Variants in DNAH12 observed in about 807,000 individuals in gnomAD.
DNAH12 encodes the protein axonemal beta dynein heavy chain 12.
DNAH12 carries 285 observed loss-of-function variants against 371.5 expected under a neutral mutation model. That is an observed-to-expected ratio of 0.77 (90% CI 0.70 to 0.85). The LOEUF (loss-of-function observed/expected upper bound fraction) is 0.85, where lower values mean the gene tolerates loss of function less well. Ranked by LOEUF, DNAH12 falls within the 40% of genes least tolerant of loss-of-function variation. DNAH12 has a pLI of 0.00. For synonymous variants in DNAH12, 1,200 were observed against 1,213.0 expected, an observed-to-expected ratio of 0.99 and a Z score of 0.22; for missense variants, 3,611 against 3,689.4, an observed-to-expected ratio of 0.98 and a Z score of 0.55.
intron 49 of DNAH12, among the ~76,000 whole-genome samples, chr3:57,382,931 A>G (rs1252730682): frequency 6.6e-6 from 1 of 152,222 alleles, no homozygotes; most frequent in Non-Finnish European, 1.5e-5. Context: ...TAACAACTAT[A>G]TATCTTAGTT....
intron 6 of DNAH12, 117 bp downstream of exon 6, chr3:57,509,023 T>A (rs917878769): frequency 1.1e-6 from 1 of 873,332 alleles, no homozygotes; most frequent in Non-Finnish European, 1.8e-6. Context: ...ACTTTTTTTT[T>A]AGATGTGTTC....
rs2063469937 is a variant in DNAH12, at chr3:57,384,836, G to A, written c.7853C>T (p.Thr2618Ile). ...ALEAALSALD[T>I]LKPADITIVK... is the part of the protein sequence containing the mutation. ...GCTAATTCAAACACTTGCCTTAAGTGTATCCAGTGCAGACAGAGCTGCTTC... is the reference window on the plus strand; with the variant it reads ...GCTAATTCAAACACTTGCCTTAAGTATATCCAGTGCAGACAGAGCTGCTTC... The change falls in exon 49 of 74, where the codon ACA (threonine) becomes ATA (isoleucine). Residue 2618 changes from threonine to isoleucine, a missense_variant. Thr to Ile is a moderately conservative substitution (Grantham distance 89). Coordinates refer to ENST00000495027, the MANE Select transcript of DNAH12 (RefSeq NM_001366028.2). 2 of 152,254 alleles carry A rather than the reference G, an allele frequency of 1.3e-5. No individual in the cohort carries two copies. Among genetic ancestry groups the A allele is most frequent in the South Asian group, 2.1e-4 (1 of 4,824 alleles). The allele number at this position is 152,254 out of a possible 1,614,324, so 9.4% of individuals were successfully genotyped here. A position where few individuals can be genotyped will look rare whatever the true frequency, so the allele number is the denominator to read the frequency against.
At position 57,404,437 on chromosome 3, in the gene DNAH12, C is replaced by T. The variant is rs542855278; in HGVS notation, c.6755+532G>A. ...AGTTCTAAGAAACAAAAGTTTCGGC[C>T]AGGTGTGGTGGCTCACATCTGTAAT... On this transcript the variant is annotated intron_variant, in intron 42 of 73. Coordinates refer to ENST00000495027, the MANE Select transcript of DNAH12 (RefSeq NM_001366028.2). Among the ~76,000 whole-genome samples the T allele has an allele frequency of 2.5e-3, 383 of 152,280 alleles. 3 individuals carry two copies. Among genetic ancestry groups the T allele is most frequent in the African/African-American group, 8.9e-3 (370 of 41,546 alleles).
At chr3:57,401,384 A>G (rs1279250349) in intron 43 of DNAH12, among the ~76,000 whole-genome samples, 7 of 144,002 alleles carry the variant, frequency 4.9e-5, no homozygotes, top group African/African-American at 7.5e-5. Flanking sequence ...ACCCATCTCT[A>G]CTAAAATACA....
chr3:57,482,615 A>T (rs2066782930), intron 13 of DNAH12, among the ~76,000 whole-genome samples: 2 of 152,322 alleles, frequency 1.3e-5, no homozygotes, highest in Admixed American at 1.3e-4. Flanking sequence ...ATAAAGACAC[A>T]TGCACACGTA....
In DNAH12 at chr3:57,477,057, G is replaced by T. The variant is rs1053508490; in HGVS notation, c.1651-4386C>A. On this transcript the variant is annotated intron_variant, in intron 13 of 73. Coordinates refer to ENST00000495027, the MANE Select transcript of DNAH12 (RefSeq NM_001366028.2). The stretch of plus-strand genomic sequence containing the variant: ...CTGAGGTACCAGGTTCATCTCACCG[G>T]GGAGTGTCGGAAAGTAGGTGCAGGT... 2.0e-5 allele frequency among the ~76,000 whole-genome samples: 3 copies of T among 152,204 alleles called. No individual in the cohort carries two copies. The South Asian group carries it at 6.2e-4, about 32-fold the overall frequency.
At chr3:57,464,812 A>G (rs1406674572) in intron 17 of DNAH12, among the ~76,000 whole-genome samples, 1 of 152,252 alleles carries the variant, frequency 6.6e-6, no homozygotes, top group African/African-American at 2.4e-5. Flanking sequence ...TTCTACAGAC[A>G]TTTAAAAGAT....
intron 45 of DNAH12, among the ~76,000 whole-genome samples, chr3:57,387,623 C>T (rs1350974679): frequency 6.6e-6 from 1 of 151,320 alleles, no homozygotes; most frequent in Admixed American, 6.6e-5. Context: ...TAGCAATATA[C>T]CCAGCTAAAA....
rs2064013008 is a variant in DNAH12, at chr3:57,405,965, A to G, written c.6277-13T>C. The G allele has an allele frequency of 3.3e-6, 5 of 1,527,650 alleles. No individual in the cohort carries two copies. In the East Asian group the frequency reaches 1.2e-4, roughly 38 times the overall value. The allele number at this position is 1,527,650 out of a possible 1,614,324, so 94.6% of individuals were successfully genotyped here. On this transcript the variant is annotated splice_polypyrimidine_tract_variant and intron_variant, in intron 40 of 73. Transcript: ENST00000495027. ...ATTGTTTATATATCTGAATATGAAA[A>G]AAGCAACAAAGCAAAAATAAAATGC...
At chr3:57,540,980 T>C (rs976518619) in intron 2 of DNAH12, among the ~76,000 whole-genome samples, 6 of 151,734 alleles carry the variant, frequency 4.0e-5, no homozygotes, top group Admixed American at 3.3e-4. Context: ...AACTCCCTTC[T>C]CTAAATCTAC....
intron 13 of DNAH12, among the ~76,000 whole-genome samples, chr3:57,477,106 T>A (rs189100264): frequency 3.2e-4 from 49 of 152,244 alleles, no homozygotes; most frequent in African/African-American, 1.1e-3. Context: ...GCACTGAGCA[T>A]GAGCCAAAGC....
In DNAH12 at chr3:57,366,316, A is replaced by G. The variant is rs998778730; in HGVS notation, c.9167+413T>C. On this transcript the variant is annotated intron_variant, in intron 57 of 73. Coordinates refer to ENST00000495027, the MANE Select transcript of DNAH12 (RefSeq NM_001366028.2). ...ATAATCCCTTGTTTGGCATATAATC[A>G]AGAAATAACCATAAAAATGGACGAC... Among the ~76,000 whole-genome samples the G allele has an allele frequency of 3.3e-4, 51 of 152,320 alleles. 2 individuals carry two copies. The South Asian group carries it at 0.01, about 31-fold the overall frequency.
chr3:57,324,285 T>G lies in DNAH12; in HGVS notation c.9979-666A>C, dbSNP rs116228888. ...TTAAGCCACTGTACTTTAGGTCCCT[T>G]TGTTACAGCAGCTTCATTTATACGC... On this transcript the variant is annotated intron_variant, in intron 62 of 73. Transcript: ENST00000495027. 3.1e-3 allele frequency among the ~76,000 whole-genome samples: 467 copies of G among 152,226 alleles called. 1 individual carries two copies. The highest frequency in any genetic ancestry group is 0.01 in the African/African-American group (435 of 41,540).
chr3:57,415,094 T>C (rs553386924), intron 38 of DNAH12, among the ~76,000 whole-genome samples: 1 of 152,174 alleles, frequency 6.6e-6, no homozygotes, highest in South Asian at 2.1e-4. Context: ...CATTTCTCCC[T>C]GGGTCTCCCC....
chr3:57,477,383 G>A (rs868162301), intron 13 of DNAH12, among the ~76,000 whole-genome samples: 10 of 152,118 alleles, frequency 6.6e-5, no homozygotes, highest in African/African-American at 1.2e-4. Flanking sequence ...GGGGAGGGGC[G>A]CCCGCCATTG....
chr3:57,338,891 A>G (rs2062313717), intron 60 of DNAH12, among the ~76,000 whole-genome samples: 1 of 152,240 alleles, frequency 6.6e-6, no homozygotes, highest in African/African-American at 2.4e-5. Context: ...GACAACGACC[A>G]TTGAGAATGG....
At chr3:57,448,466 G>A (rs1169777953) in intron 25 of DNAH12, among the ~76,000 whole-genome samples, 1 of 151,656 alleles carries the variant, frequency 6.6e-6, no homozygotes, top group African/African-American at 2.4e-5. Context: ...TCCTCCCAGG[G>A]GGGCTCGTGG....
chr3:57,385,476 G>A (rs1445634815), intron 47 of DNAH12, 47 bp from the exon 48 acceptor site: 2 of 152,164 alleles, frequency 1.3e-5, no homozygotes, highest in African/African-American at 4.8e-5. Flanking sequence ...TGCTATAATT[G>A]CTATTGAAAC....
intron 2 of DNAH12, among the ~76,000 whole-genome samples, chr3:57,524,417 AT>A (rs982071706): frequency 5.3e-5 from 8 of 151,998 alleles, no homozygotes; most frequent in African/African-American, 1.9e-4. Flanking sequence ...CTGTTAAGAG[AT>A]TTTTTTTGCA....
Sources: gnomAD v4.1 joint callset for allele counts (sites outside exome capture counted in the v4.1 genomes callset) on GRCh38, gnomAD v4.1.1 for gene constraint, MANE v1.5 for transcripts, NCBI Gene and HGNC (gene_info 2026-07-23, HGNC 2026-07-21) for gene names.